Variants in ARL15 observed in about 807,000 individuals in gnomAD.
ARL15 encodes the protein ARF like GTPase 15, also known as ADP-ribosylation factor-like protein 15.
In ARL15, 19 loss-of-function variants were observed where a neutral mutation model predicts 25.2. The ratio of observed to expected loss-of-function variants is 0.75; its 90% confidence interval spans 0.53 to 1.10. The LOEUF is 1.10. ARL15 is among the 50% of genes least tolerant of loss of function. ARL15 has a pLI of 0.00. For missense variants in ARL15, 220 were observed against 246.0 expected, an observed-to-expected ratio of 0.89 and a Z score of 0.71; for synonymous variants, 94 against 86.8, an observed-to-expected ratio of 1.08 and a Z score of -0.46.
intron 1 of ARL15, among the ~76,000 whole-genome samples, chr5:54,236,058 A>T (rs1756795894): frequency 1.3e-5 from 2 of 152,064 alleles, no homozygotes; most frequent in Admixed American, 1.3e-4. Context: ...GGAAAAGAAA[A>T]TTTTTTAAAT....
chr5:54,054,308 A>G (rs1579743817), intron 4 of ARL15, among the ~76,000 whole-genome samples: 1 of 152,358 alleles, frequency 6.6e-6, no homozygotes, highest in South Asian at 2.1e-4. Flanking sequence ...ATGGCACTGT[A>G]CTATCTTCTG....
chr5:53,992,643 A>C (rs1748540303), intron 4 of ARL15, among the ~76,000 whole-genome samples: 1 of 152,218 alleles, frequency 6.6e-6, no homozygotes, highest in South Asian at 2.1e-4. Flanking sequence ...TTGTGTTGTA[A>C]TAAAACCTAA....
intron 4 of ARL15, among the ~76,000 whole-genome samples, chr5:54,097,561 G>C (rs1043913076): frequency 5.9e-5 from 9 of 152,120 alleles, no homozygotes; most frequent in Non-Finnish European, 8.8e-5. Flanking sequence ...CTGTAAAATA[G>C]TTTGTAGTAT....
At chr5:54,072,906 A>T (rs1345971541) in intron 4 of ARL15, among the ~76,000 whole-genome samples, 10 of 152,202 alleles carry the variant, frequency 6.6e-5, no homozygotes, top group Non-Finnish European at 1.5e-4. Context: ...AATCACGCTG[A>T]AGATGGTATC....
At chr5:54,133,881 G>A (rs896147677) in intron 3 of ARL15, among the ~76,000 whole-genome samples, 3 of 152,080 alleles carry the variant, frequency 2.0e-5, no homozygotes, top group South Asian at 2.1e-4. Flanking sequence ...AGTTATACTC[G>A]CAAAAATGTT....
At chr5:54,302,879 A>G (rs16882647) in intron 1 of ARL15, among the ~76,000 whole-genome samples, 7,354 of 151,378 alleles carry the variant, frequency 0.049, 182 homozygotes, top group Non-Finnish European at 0.064. Flanking sequence ...TCATCCAAAC[A>G]CCTGGGACAT....
intron 4 of ARL15, among the ~76,000 whole-genome samples, chr5:54,021,260 G>C (rs867721344): frequency 1.3e-5 from 2 of 151,644 alleles, no homozygotes; most frequent in African/African-American, 4.8e-5. Context: ...GCTTGAACCC[G>C]GGAGGCGGAG....
chr5:54,080,964 T>C (rs1447088426), intron 4 of ARL15, among the ~76,000 whole-genome samples: 2 of 152,180 alleles, frequency 1.3e-5, no homozygotes, highest in Middle Eastern at 3.2e-3. Flanking sequence ...TGTCTTCACG[T>C]AGGGAAAAAG....
chr5:54,143,499 T>C (rs1019637408), intron 3 of ARL15, among the ~76,000 whole-genome samples: 73 of 152,176 alleles, frequency 4.8e-4, no homozygotes, highest in Admixed American at 3.5e-3. Flanking sequence ...TGTCACCATA[T>C]ATAGCTGAAT....
At chr5:54,164,193 A>G (rs1308427356) in intron 2 of ARL15, among the ~76,000 whole-genome samples, 1 of 151,196 alleles carries the variant, frequency 6.6e-6, no homozygotes, top group Non-Finnish European at 1.5e-5. Flanking sequence ...TCTTCTTGTT[A>G]TTGATTTTTA....
At chr5:54,196,851 ATTGT>A (rs752574476) in intron 1 of ARL15, among the ~76,000 whole-genome samples, 2 of 152,196 alleles carry the variant, frequency 1.3e-5, no homozygotes, top group African/African-American at 2.4e-5. Context: ...TTATGCCAGA[ATTGT>A]TTGTTACCTA....
At chr5:54,104,921 C>A (rs1752545718) in intron 4 of ARL15, among the ~76,000 whole-genome samples, 1 of 151,854 alleles carries the variant, frequency 6.6e-6, no homozygotes. Context: ...AAAAGTAAAC[C>A]ATTTGTGCAT....
intron 4 of ARL15, among the ~76,000 whole-genome samples, chr5:53,945,465 C>T (rs1296611683): frequency 6.6e-6 from 1 of 152,152 alleles, no homozygotes; most frequent in Non-Finnish European, 1.5e-5. Flanking sequence ...AACCTCCAAA[C>T]GAGTTATTTA....
At chr5:53,904,301 A>G (rs1745169333) in intron 4 of ARL15, among the ~76,000 whole-genome samples, 2 of 152,214 alleles carry the variant, frequency 1.3e-5, no homozygotes, top group Admixed American at 6.5e-5. Flanking sequence ...ACAACTGGTG[A>G]GCACTCCTAG....
intron 1 of ARL15, among the ~76,000 whole-genome samples, chr5:54,233,101 G>A (rs1756716714): frequency 6.6e-6 from 1 of 152,150 alleles, no homozygotes; most frequent in Non-Finnish European, 1.5e-5. Context: ...CTGCCATTGT[G>A]TTTTACATAA....
chr5:54,131,228 C>T (rs1400654524), intron 3 of ARL15, among the ~76,000 whole-genome samples: 1 of 152,192 alleles, frequency 6.6e-6, no homozygotes, highest in Non-Finnish European at 1.5e-5. Flanking sequence ...GCTTATTAGC[C>T]TGTCATTCAA....
chr5:53,935,252 A>C (rs1222243961), intron 4 of ARL15, among the ~76,000 whole-genome samples: 1 of 152,226 alleles, frequency 6.6e-6, no homozygotes, highest in Non-Finnish European at 1.5e-5. Context: ...TTACTTTCCC[A>C]CTTAGTGAAG....
At chr5:54,012,982 T>C (rs1388355117) in intron 4 of ARL15, among the ~76,000 whole-genome samples, 1 of 151,864 alleles carries the variant, frequency 6.6e-6, no homozygotes, top group Non-Finnish European at 1.5e-5. Flanking sequence ...GAATTTTTAG[T>C]AGAGACGGAG....
At chr5:54,297,652 C>A (rs1457427103) in intron 1 of ARL15, among the ~76,000 whole-genome samples, 1 of 152,132 alleles carries the variant, frequency 6.6e-6, no homozygotes, top group East Asian at 1.9e-4. Context: ...CTACCTCTGA[C>A]CTCTGCAGTC....
Sources: gnomAD v4.1 joint callset for allele counts (sites outside exome capture counted in the v4.1 genomes callset) on GRCh38, gnomAD v4.1.1 for gene constraint, MANE v1.5 for transcripts, NCBI Gene and HGNC (gene_info 2026-07-23, HGNC 2026-07-21) for gene names.